Variants in ADCY8 observed in about 807,000 individuals in gnomAD.
The protein encoded by ADCY8 is adenylate cyclase 8, also known as adenylate cyclase type 8.
In ADCY8, 51 loss-of-function variants were observed where a neutral mutation model predicts 119.7. The ratio of observed to expected loss-of-function variants is 0.43; its 90% confidence interval spans 0.34 to 0.54. The LOEUF is 0.54. ADCY8 is among the 20% of genes least tolerant of loss of function. The pLI, the probability that ADCY8 is intolerant of heterozygous loss-of-function variation, is 0.03. For missense variants in ADCY8, 1,383 were observed against 1,598.8 expected (o/e 0.87, Z 2.30); for synonymous variants, 665 against 651.0 (o/e 1.02, Z -0.33).
At chr8:130,832,814 T>C (rs971366028) in intron 12 of ADCY8, among the ~76,000 whole-genome samples, 3 of 152,172 alleles carry the variant, frequency 2.0e-5, no homozygotes, top group African/African-American at 4.8e-5. Flanking sequence ...GGAATCAACA[T>C]ATATTGAGTA....
rs1466055178 is a variant in ADCY8 at position 130,821,413 on chromosome 8, G to C, written c.2683C>G (p.Leu895Val). The C allele has an allele frequency of 3.7e-6, 6 of 1,612,868 alleles. No homozygotes were observed. Among genetic ancestry groups the C allele is most frequent in the Non-Finnish European group, 5.1e-6 (6 of 1,179,196 alleles). ...AGCAGTGATACCTCCTTGGTCCCCA[G>C]GAAATCTCTGTTGGAAGAAAAAAGG... ...DNLNHSGEDF[L>V]GTKEVSLLLM... Residue 895 changes from leucine (L) to valine (V), a missense_variant, in exon 13 of 18, where the codon CTG becomes GTG. Coordinates refer to ENST00000286355, the MANE Select transcript of ADCY8 (RefSeq NM_001115.3).
intron 15 of ADCY8, among the ~76,000 whole-genome samples, chr8:130,786,057 C>T (rs1327214324): frequency 6.6e-6 from 1 of 152,194 alleles, no homozygotes; most frequent in African/African-American, 2.4e-5. Context: ...GTCTTCTTGA[C>T]CACCTTATTT....
chr8:130,783,000 G>C (rs1415195790), intron 17 of ADCY8, among the ~76,000 whole-genome samples: 1 of 152,182 alleles, frequency 6.6e-6, no homozygotes, highest in Non-Finnish European at 1.5e-5. Context: ...TCTTAGGCTA[G>C]TTACTCCCTT....
intron 2 of ADCY8, among the ~76,000 whole-genome samples, chr8:130,952,560 AG>A (rs1223560830): frequency 6.6e-6 from 1 of 152,238 alleles, no homozygotes; most frequent in Non-Finnish European, 1.5e-5. Flanking sequence ...AGGTGTAGCT[AG>A]ATCTTGCAGG....
In ADCY8 at chr8:131,021,253, G is replaced by A. The variant is rs1016523588; in HGVS notation, c.960+18121C>T. Among the ~76,000 whole-genome samples the A allele has an allele frequency of 5.3e-5, 8 of 152,068 alleles. No individual in the cohort carries two copies. The South Asian group carries it at 6.2e-4, about 12-fold the overall frequency. ...TCTAGGGCTGGCATGGTGCCTAGTC[G>A]TATCATCAGCGTTCTTGGATTCTTA... On this transcript the variant is annotated intron_variant, in intron 1 of 17. Transcript: ENST00000286355.
At chr8:130,820,585 T>A (rs1816477668) in intron 13 of ADCY8, among the ~76,000 whole-genome samples, 1 of 152,156 alleles carries the variant, frequency 6.6e-6, no homozygotes, top group Admixed American at 6.5e-5. Context: ...ATAATTTTCT[T>A]TCTCGAAGTC....
intron 14 of ADCY8, among the ~76,000 whole-genome samples, chr8:130,802,556 A>G (rs1259701732): frequency 1.3e-5 from 2 of 152,142 alleles, no homozygotes; most frequent in Admixed American, 6.5e-5. Flanking sequence ...TAAAGCTCAC[A>G]CACTGAAGCA....
At chr8:130,941,027 C>G (rs1820939477) in intron 4 of ADCY8, among the ~76,000 whole-genome samples, 1 of 152,118 alleles carries the variant, frequency 6.6e-6, no homozygotes, top group African/African-American at 2.4e-5. Flanking sequence ...CAGAAAAACT[C>G]AATACAAATG....
At chr8:130,800,979 C>T (rs933816093) in intron 14 of ADCY8, among the ~76,000 whole-genome samples, 1 of 152,166 alleles carries the variant, frequency 6.6e-6, no homozygotes, top group African/African-American at 2.4e-5. Context: ...AGGGGTTTTA[C>T]CTTCATGATC....
intron 1 of ADCY8, among the ~76,000 whole-genome samples, chr8:130,994,507 CA>C (rs1229957213): frequency 6.6e-6 from 1 of 152,176 alleles, no homozygotes; most frequent in Non-Finnish European, 1.5e-5. Context: ...TATTTAGACA[CA>C]TTGCCACATT....
chr8:131,027,384 T>C (rs943602741), intron 1 of ADCY8, among the ~76,000 whole-genome samples: 6 of 152,060 alleles, frequency 3.9e-5, no homozygotes, highest in Admixed American at 2.6e-4. Flanking sequence ...TGAAGAAAAC[T>C]GGTGATGAGG....
intron 7 of ADCY8, among the ~76,000 whole-genome samples, chr8:130,902,551 C>T (rs1018516738): frequency 6.6e-6 from 1 of 152,122 alleles, no homozygotes; most frequent in East Asian, 1.9e-4. Context: ...CATAGTTTTT[C>T]CCCCACAGAT....
chr8:130,855,084 A>C (rs1367080743), intron 9 of ADCY8, among the ~76,000 whole-genome samples: 1 of 147,786 alleles, frequency 6.8e-6, no homozygotes, highest in East Asian at 2.0e-4. Context: ...TAAAGGAAAG[A>C]GCTGGGTAAG....
rs985657238 is a variant in ADCY8 at position 130,829,549 on chromosome 8, T to C, written c.2675+6728A>G. Among the ~76,000 whole-genome samples the C allele has an allele frequency of 2.4e-4, 36 of 150,240 alleles. No individual in the cohort carries two copies. The Middle Eastern group carries it at 0.01, about 43-fold the overall frequency. ...AATAGTTGGTTGTTTAAAAGAAGCA[T>C]GTTTAGGACAAGTCAGAAGGTCTAA... is the stretch of plus-strand genomic sequence containing the variant. On this transcript the variant is annotated intron_variant, in intron 12 of 17. Transcript: ENST00000286355.
At chr8:130,793,110 G>C (rs1260263591) in intron 15 of ADCY8, among the ~76,000 whole-genome samples, 1 of 152,132 alleles carries the variant, frequency 6.6e-6, no homozygotes, top group African/African-American at 2.4e-5. Context: ...ACTTGCTCAA[G>C]AGAACAAGAG....
intron 1 of ADCY8, among the ~76,000 whole-genome samples, chr8:131,015,053 C>CTAT (rs1334272462): frequency 1.3e-5 from 2 of 152,112 alleles, no homozygotes; most frequent in African/African-American, 4.8e-5. Context: ...AGGGCACATG[C>CTAT]TATTGGGTTA....
In ADCY8 at chr8:130,992,946, C is replaced by A. The variant is rs530842676; in HGVS notation, c.961-2404G>T. Among the ~76,000 whole-genome samples, 3 of 152,144 alleles carry A rather than the reference C, an allele frequency of 2.0e-5. No homozygotes were observed. In the South Asian group the frequency reaches 6.3e-4, roughly 32 times the overall value. On this transcript the variant is annotated intron_variant, in intron 1 of 17. Transcript: ENST00000286355. ...TAGGTTAACTGTGAACAAAACTATT[C>A]CTGGGCACATCATAATCCAAATGCT...
At chr8:130,922,548 T>TCCCAAGGC (rs1820344683) in intron 5 of ADCY8, among the ~76,000 whole-genome samples, 2 of 151,910 alleles carry the variant, frequency 1.3e-5, no homozygotes, top group South Asian at 4.2e-4. Flanking sequence ...ATCAACAGGA[T>TCCCAAGGC]CCCAAGGCAG....
intron 15 of ADCY8, among the ~76,000 whole-genome samples, chr8:130,791,724 G>A (rs950905506): frequency 6.6e-6 from 1 of 152,020 alleles, no homozygotes; most frequent in Non-Finnish European, 1.5e-5. Context: ...GTGCACACAT[G>A]TGCCTCTCTC....
Sources: gnomAD v4.1 joint callset for allele counts (sites outside exome capture counted in the v4.1 genomes callset) on GRCh38, gnomAD v4.1.1 for gene constraint, MANE v1.5 for transcripts, NCBI Gene and HGNC (gene_info 2026-07-23, HGNC 2026-07-21) for gene names.